Variants in CSMD1 observed in about 807,000 individuals in gnomAD.
CSMD1 encodes the protein CUB and sushi domain-containing protein 1.
In CSMD1, 213 loss-of-function variants were observed where a neutral mutation model predicts 417.5. That is an observed-to-expected ratio of 0.51 (90% CI 0.46 to 0.57). CSMD1 has a LOEUF of 0.57. CSMD1 is among the 20% of genes least tolerant of loss of function. The pLI is 0.00. For synonymous variants in CSMD1, 2,862 were observed against 1,736.8 expected (o/e 1.65, Z -16.11); for missense variants, 6,923 against 4,529.7 (o/e 1.53, Z -15.17).
At chr8:3,708,951 C>A (rs562973060) in intron 6 of CSMD1, among the ~76,000 whole-genome samples, 1 of 152,062 alleles carries the variant, frequency 6.6e-6, no homozygotes, top group Admixed American at 6.5e-5. Context: ...CACAGTTTAG[C>A]GAATCTGTGT....
At chr8:3,831,039 G>T (rs1429901797) in intron 5 of CSMD1, among the ~76,000 whole-genome samples, 1 of 152,200 alleles carries the variant, frequency 6.6e-6, no homozygotes, top group South Asian at 2.1e-4. Flanking sequence ...CTTAATGCGC[G>T]AACAGGGTTT....
chr8:3,688,418 G>C (rs1173439768), intron 7 of CSMD1, among the ~76,000 whole-genome samples: 1 of 152,132 alleles, frequency 6.6e-6, no homozygotes, highest in East Asian at 1.9e-4. Flanking sequence ...TTAGATTTTA[G>C]ACTTTGAAAC....
intron 27 of CSMD1, 127 bp downstream of exon 27, chr8:3,229,913 G>C: frequency 1.5e-6 from 1 of 664,238 alleles, no homozygotes; most frequent in Admixed American, 3.5e-5. Flanking sequence ...GAGTCTCAGA[G>C]AGCCAGAGAA....
Position 3,718,171 on chromosome 8 carries a change from C to T in CSMD1, c.932-9680G>A, listed in dbSNP as rs147159409. Among the ~76,000 whole-genome samples the T allele has an allele frequency of 1.5e-3, 227 of 152,240 alleles. 2 individuals carry two copies. The highest frequency in any genetic ancestry group is 3.9e-3 in the South Asian group (19 of 4,820). Reference sequence around the variant, plus strand: ...TTATTGTCTCATGGTCTGTACATTACGAGAAGCGAGTTGTTAGTACAATAA... The same window carrying T: ...TTATTGTCTCATGGTCTGTACATTATGAGAAGCGAGTTGTTAGTACAATAA... On this transcript the variant is annotated intron_variant, in intron 6 of 69. Coordinates refer to ENST00000635120, the MANE Select transcript of CSMD1 (RefSeq NM_033225.6).
chr8:3,758,241 G>A (rs889582487), intron 5 of CSMD1, among the ~76,000 whole-genome samples: 6 of 152,322 alleles, frequency 3.9e-5, no homozygotes, highest in African/African-American at 1.4e-4. Flanking sequence ...TAGGGTTACA[G>A]GCGTGAGCCA....
intron 26 of CSMD1, among the ~76,000 whole-genome samples, chr8:3,268,659 C>T (rs901279301): frequency 3.3e-5 from 5 of 152,022 alleles, no homozygotes; most frequent in African/African-American, 7.2e-5. Flanking sequence ...AATTTATTTC[C>T]GAATAACATG....
At chr8:3,239,637 A>G (rs973649926) in intron 26 of CSMD1, among the ~76,000 whole-genome samples, 20 of 152,308 alleles carry the variant, frequency 1.3e-4, no homozygotes, top group Admixed American at 9.2e-4. Flanking sequence ...TATTTCCTTG[A>G]GGATAGATTT....
chr8:4,398,433 C>G (rs536827702), intron 3 of CSMD1, among the ~76,000 whole-genome samples: 4 of 128,342 alleles, frequency 3.1e-5, no homozygotes, highest in Admixed American at 9.9e-5. Context: ...CACTCTGTCA[C>G]CCCAGGCTGG....
chr8:3,104,515 G>A (rs1340611757), intron 46 of CSMD1, among the ~76,000 whole-genome samples: 2 of 151,860 alleles, frequency 1.3e-5, no homozygotes, highest in African/African-American at 4.8e-5. Flanking sequence ...TTCTCATGTA[G>A]ATACAACTTC....
intron 5 of CSMD1, among the ~76,000 whole-genome samples, chr8:3,770,174 C>A (rs771995612): frequency 6.6e-6 from 1 of 152,336 alleles, no homozygotes; most frequent in Admixed American, 6.5e-5. Flanking sequence ...CACACTCATA[C>A]AGGTCCCTCT....
chr8:3,160,195 CT>C (rs1563097372), intron 38 of CSMD1, among the ~76,000 whole-genome samples: 1 of 152,130 alleles, frequency 6.6e-6, no homozygotes, highest in African/African-American at 2.4e-5. Context: ...GCAATCTCGG[CT>C]CACTGCAACC....
At chr8:4,317,596 G>T (rs1255609597) in intron 3 of CSMD1, among the ~76,000 whole-genome samples, 1 of 100,696 alleles carries the variant, frequency 9.9e-6, no homozygotes, top group Non-Finnish European at 2.1e-5. Flanking sequence ...AGAGAGAGAG[G>T]AGAGAGGGGA....
chr8:4,143,374 T>C (rs35937269), intron 3 of CSMD1, among the ~76,000 whole-genome samples: 42,861 of 144,984 alleles, frequency 0.3, 7,614 homozygotes, highest in Non-Finnish European at 0.38. Flanking sequence ...CTTATCCCTT[T>C]TTTTTTTTTT....
chr8:4,569,852 C>A (rs987719241), intron 2 of CSMD1, among the ~76,000 whole-genome samples: 1 of 152,110 alleles, frequency 6.6e-6, no homozygotes, highest in Non-Finnish European at 1.5e-5. Flanking sequence ...TGAAGAAGTC[C>A]TTCACATCAC....
chr8:4,372,794 CT>C (rs1184100191), intron 3 of CSMD1, among the ~76,000 whole-genome samples: 19 of 151,372 alleles, frequency 1.3e-4, no homozygotes, highest in Admixed American at 3.3e-4. Flanking sequence ...AATAAATATA[CT>C]TGAGTGCATA....
At chr8:3,848,682 C>T (rs1187491771) in intron 5 of CSMD1, among the ~76,000 whole-genome samples, 1 of 152,054 alleles carries the variant, frequency 6.6e-6, no homozygotes, top group African/African-American at 2.4e-5. Flanking sequence ...TCCTATTATG[C>T]TCCTTGCACC....
At chr8:4,585,923 T>G (rs979812141) in intron 2 of CSMD1, among the ~76,000 whole-genome samples, 13 of 152,242 alleles carry the variant, frequency 8.5e-5, no homozygotes, top group Non-Finnish European at 1.6e-4. Flanking sequence ...AAATTATATG[T>G]AACAATAAAA....
rs1797082453 is a variant in CSMD1 at position 3,203,221 on chromosome 8, T to A, written c.4985-1496A>T. Among the ~76,000 whole-genome samples the A allele has an allele frequency of 5.3e-5, 8 of 152,164 alleles. 1 individual carries two copies. The South Asian group carries it at 1.7e-3, about 31-fold the overall frequency. The stretch of plus-strand genomic sequence containing the variant: ...GGTAATTTCCAAGACAAACATGGAT[T>A]TTGAGTACAAGATGTCAGGAGCCAG... On this transcript the variant is annotated intron_variant, in intron 31 of 69. Transcript: ENST00000635120.
chr8:3,108,551 A>G (rs1816297108), intron 44 of CSMD1, 52 bp downstream of exon 44: 1 of 1,592,268 alleles, frequency 6.3e-7, no homozygotes, highest in African/African-American at 1.3e-5. Context: ...ACACTGCAGG[A>G]AACACCACAT....
Sources: allele counts gnomAD v4.1 joint callset (sites outside exome capture counted in the v4.1 genomes callset), GRCh38; gene constraint gnomAD v4.1.1; transcripts MANE v1.5; gene names NCBI Gene and HGNC (gene_info 2026-07-23, HGNC 2026-07-21).